Variants in PYROXD2 observed in about 807,000 individuals in gnomAD.
PYROXD2 encodes pyridine nucleotide-disulphide oxidoreductase domain 2.
PYROXD2 carries 69 observed loss-of-function variants against 71.1 expected under a neutral mutation model. That is an observed-to-expected ratio of 0.97 (90% CI 0.80 to 1.19). The LOEUF (loss-of-function observed/expected upper bound fraction) is 1.19, where lower values mean the gene tolerates loss of function less well. Ranked by LOEUF, PYROXD2 falls within the 50% of genes most tolerant of loss-of-function variation. The pLI is 0.00. For missense variants in PYROXD2, 745 were observed against 748.9 expected, an observed-to-expected ratio of 0.99 and a Z score of 0.06; for synonymous variants, 287 against 302.7, an observed-to-expected ratio of 0.95 and a Z score of 0.54.
At chr10:98,397,877 CTTTTTTTTTTTTT>C (rs60678578) in intron 5 of PYROXD2, among the ~76,000 whole-genome samples, 1 of 84,172 alleles carries the variant, frequency 1.2e-5, no homozygotes, top group African/African-American at 4.8e-5. Flanking sequence ...GTCCTTTCTT[CTTTTTTTTTTTTT>C]TTTTTTTTTT....
intron 9 of PYROXD2, 33 bp from the exon 10 acceptor site, chr10:98,392,599 G>T (rs980746887): frequency 1.2e-5 from 20 of 1,604,926 alleles, no homozygotes; most frequent in East Asian, 2.2e-5. Flanking sequence ...CCCAGAAACC[G>T]CAGGAAGGGA....
chr10:98,406,486 C>T (rs1288006373), intron 4 of PYROXD2, among the ~76,000 whole-genome samples: 1 of 152,192 alleles, frequency 6.6e-6, no homozygotes, highest in African/African-American at 2.4e-5. Flanking sequence ...GATGCACATA[C>T]TCTGTTTCAG....
chr10:98,390,569 T>C (rs1426610635), intron 12 of PYROXD2, 29 bp downstream of exon 12: 5 of 1,539,546 alleles, frequency 3.2e-6, no homozygotes, highest in Non-Finnish European at 4.4e-6. Flanking sequence ...TGGAAGAACA[T>C]CAGGGAACAT....
At chr10:98,411,317 CAGG>C (rs1843780141) in intron 1 of PYROXD2, 1 of 271,148 alleles carries the variant, frequency 3.7e-6, no homozygotes, top group African/African-American at 2.2e-5. Context: ...AGTTGGCAAG[CAGG>C]AGAAGCAATG....
At chr10:98,406,094 TG>T (rs1434378637) in intron 4 of PYROXD2, among the ~76,000 whole-genome samples, 1 of 152,172 alleles carries the variant, frequency 6.6e-6, no homozygotes, top group African/African-American at 2.4e-5. Context: ...GTGCTCCAGA[TG>T]GGGTGAGTCC....
intron 4 of PYROXD2, among the ~76,000 whole-genome samples, chr10:98,403,887 A>G (rs1234050692): frequency 6.6e-6 from 1 of 152,252 alleles, no homozygotes; most frequent in East Asian, 1.9e-4. Flanking sequence ...GCAGGTGCTC[A>G]GAAACATGGA....
Position 98,384,934 on chromosome 10 carries a change from C to A in PYROXD2, c.1675+13G>T. The A allele has an allele frequency of 6.2e-7, 1 of 1,607,206 alleles. No individual in the cohort carries two copies. Among genetic ancestry groups the A allele is most frequent in the Non-Finnish European group, 8.5e-7 (1 of 1,177,758 alleles). ...CCAGTCCCCACAGGGTAGTGGGACTCCAGGTCACTCACCAGGATGAGCCCC... is the reference window on the plus strand; with the variant it reads ...CCAGTCCCCACAGGGTAGTGGGACTACAGGTCACTCACCAGGATGAGCCCC... On this transcript the variant is annotated intron_variant, in intron 15 of 15. Transcript: ENST00000370575.
Position 98,392,949 on chromosome 10 carries a change from G to A in PYROXD2, c.920C>T (p.Thr307Ile), listed in dbSNP as rs774596569. The stretch of plus-strand genomic sequence containing the variant: ...GGTAGAGGGGCCGTTCACCTTTTCA[G>A]TGAAGATGCTTGCTCCATGTGTGGT... ...SATTHGASIF[T>I]EKTVAKVQVN... Residue 307 changes from threonine to isoleucine, a missense_variant, in exon 9 of 16, where the codon ACT (threonine) becomes ATT (isoleucine). Thr to Ile is a moderately conservative substitution (Grantham distance 89). Transcript: ENST00000370575. 1.2e-6 allele frequency: 2 copies of A among 1,613,796 alleles called. No homozygotes were observed. Among genetic ancestry groups the A allele is most frequent in the Admixed American group, 3.3e-5 (2 of 59,974 alleles).
At chr10:98,393,506 C>T (rs1316177813) in intron 8 of PYROXD2, among the ~76,000 whole-genome samples, 1 of 152,094 alleles carries the variant, frequency 6.6e-6, no homozygotes, top group East Asian at 1.9e-4. Flanking sequence ...GTTCTGTTTC[C>T]GACAGAAATC....
chr10:98,395,925 G>A (rs1843156081), intron 6 of PYROXD2, among the ~76,000 whole-genome samples: 1 of 152,166 alleles, frequency 6.6e-6, no homozygotes, highest in Admixed American at 6.5e-5. Flanking sequence ...AGGCTTTAAG[G>A]CCTTCAGGGT....
intron 1 of PYROXD2, chr10:98,414,266 C>G (rs188473976): frequency 6.6e-6 from 1 of 152,098 alleles, no homozygotes; most frequent in Non-Finnish European, 1.5e-5. Flanking sequence ...TCTGTATAGA[C>G]CCAGTTGGCA....
At chr10:98,396,881 A>G (rs963228161) in intron 6 of PYROXD2, among the ~76,000 whole-genome samples, 3 of 152,168 alleles carry the variant, frequency 2.0e-5, no homozygotes, top group Non-Finnish European at 2.9e-5. Context: ...ATGCCCTGTG[A>G]GGCAACCCTT....
At position 98,408,145 on chromosome 10, in the gene PYROXD2, C is replaced by T. The variant is rs555884084; in HGVS notation, c.148-148G>A. 4.9e-5 allele frequency: 33 copies of T among 675,436 alleles called. No homozygotes were observed. In the East Asian group the frequency reaches 8.9e-4, roughly 18 times the overall value. 41.8% of individuals were successfully genotyped at this position (675,436 alleles called of 1,614,324 possible). ...CCCTGCCCCGCTCATGCTGTTCCTG[C>T]CTCTGGGAATGCCCTTCCCTGTGCT... is the stretch of plus-strand genomic sequence containing the variant. On this transcript the variant is annotated intron_variant, in intron 2 of 15. Coordinates refer to ENST00000370575, the MANE Select transcript of PYROXD2 (RefSeq NM_032709.3).
Position 98,387,266 on chromosome 10 carries a change from AGTCCTT to A in PYROXD2, c.1483_1488del (p.Lys495_Asp496del). On this transcript the variant is annotated inframe_deletion, in exon 14 of 16. Transcript: ENST00000370575. Reference sequence around the variant, plus strand: ...GTGAGGATGTCTCTGCCAACCACAGAGTCCTTGAAGCCAGGGGCATAGACCTCGATG... The same window carrying A: ...GTGAGGATGTCTCTGCCAACCACAGAGAAGCCAGGGGCATAGACCTCGATG... 2 of 1,614,172 alleles carry A rather than the reference AGTCCTT, an allele frequency of 1.2e-6. No individual in the cohort carries two copies. The highest frequency in any genetic ancestry group is 1.7e-6 in the Non-Finnish European group (2 of 1,180,018).
In PYROXD2 at chr10:98,391,018, T is replaced by G. The variant is rs1842928996; in HGVS notation, c.1127A>C (p.Lys376Thr). 1 of 1,611,386 alleles carries G rather than the reference T, an allele frequency of 6.2e-7. No homozygotes were observed. The highest frequency in any genetic ancestry group is 1.1e-5 in the South Asian group (1 of 91,018). The change falls in exon 11 of 16, where the codon AAG becomes ACG. Residue 376 changes from lysine (K) to threonine (T), a missense_variant. By Grantham distance (78) the Lys-to-Thr change is moderately conservative (BLOSUM62 -1). Transcript: ENST00000370575. ...SQLDTRSPVT[K>T]INVAVDRLPS... ...TGTGGTGTGCCTCTTACCATTGATC[T>G]TGGTGACAGGCGACCGGGTGTCCAG...
chr10:98,410,999 A>AGCGG, intron 1 of PYROXD2, 41 bp from the exon 2 acceptor site: 1 of 1,555,404 alleles, frequency 6.4e-7, no homozygotes, highest in Non-Finnish European at 8.7e-7. Flanking sequence ...ATCACTGGTC[A>AGCGG]GCGGGCGGGC....
chr10:98,383,850 G>A lies in PYROXD2; in HGVS notation c.1694C>T (p.Ala565Val). 1 of 1,613,850 alleles carries A rather than the reference G, an allele frequency of 6.2e-7. No individual in the cohort carries two copies. Among genetic ancestry groups the A allele is most frequent in the Non-Finnish European group, 8.5e-7 (1 of 1,179,982 alleles). The change falls in exon 16 of 16, where the codon GCT becomes GTT. Residue 565 changes from alanine to valine, a missense_variant. By Grantham distance (64) the Ala-to-Val change is moderately conservative (BLOSUM62 0). Transcript: ENST00000370575. ...CACATGTGCTGCATTTCGCCCAGCA[G>A]CTCCCATCACACCTCCTCCTGGAAG... is the stretch of plus-strand genomic sequence containing the variant. ...GAHPGGGVMGAAGRNAAHVAF... is the reference protein window; with the variant it reads ...GAHPGGGVMGVAGRNAAHVAF...
intron 10 of PYROXD2, among the ~76,000 whole-genome samples, 194 bp downstream of exon 10, chr10:98,392,238 T>C (rs1842967525): frequency 6.6e-6 from 1 of 152,138 alleles, no homozygotes; most frequent in South Asian, 2.1e-4. Flanking sequence ...TCACTTCACC[T>C]CTCTGGCCCC....
At chr10:98,414,945 C>G in intron 1 of PYROXD2, 64 bp downstream of exon 1, 1 of 1,567,966 alleles carries the variant, frequency 6.4e-7, no homozygotes, top group Non-Finnish European at 8.7e-7. Flanking sequence ...CCCTCCCCAC[C>G]AAGCTCTGAG....
Sources: gnomAD v4.1 joint callset for allele counts (sites outside exome capture counted in the v4.1 genomes callset) on GRCh38, gnomAD v4.1.1 for gene constraint, MANE v1.5 for transcripts, NCBI Gene and HGNC (gene_info 2026-07-23, HGNC 2026-07-21) for gene names.